MTUS2: variants seen among roughly 807,000 people sequenced by gnomAD.
The protein encoded by MTUS2 is microtubule associated scaffold protein 2.
MTUS2 carries 40 observed loss-of-function variants against 114.1 expected under a neutral mutation model. The observed-to-expected ratio is 0.35, with a 90% CI of 0.27 to 0.46. MTUS2 has a LOEUF of 0.46. Among genes scored for constraint, MTUS2 ranks in the 20% least tolerant of loss-of-function variants. The probability of loss-of-function intolerance (pLI) is 1.00; values close to 1 mark genes in which losing one functional copy is unlikely to be tolerated. For missense variants in MTUS2, 1,679 were observed against 1,705.4 expected (o/e 0.98, Z 0.27); for synonymous variants, 688 against 672.0 (o/e 1.02, Z -0.37).
At chr13:29,375,604 T>TA (rs1566163652) in intron 8 of MTUS2, among the ~76,000 whole-genome samples, 10 of 4,940 alleles carry the variant, frequency 2.0e-3, no homozygotes, top group Non-Finnish European at 4.4e-3. Flanking sequence ...TATATATATA[T>TA]ATACGTATAT....
Position 29,305,358 on chromosome 13 carries a change from G to T in MTUS2, c.2807-19255G>T, listed in dbSNP as rs1347128191. 8.1e-5 allele frequency among the ~76,000 whole-genome samples: 4 copies of T among 49,252 alleles called. No homozygotes were observed. The East Asian group carries it at 1.3e-3, about 16-fold the overall frequency. 32.3% of individuals were successfully genotyped at this position (49,252 alleles called of 152,430 possible). ...ATCAACAAATCCAGAAGCTAGTTTTGTGAAAAAAAAAGTAATAAAGAGACA... is the reference window on the plus strand; with the variant it reads ...ATCAACAAATCCAGAAGCTAGTTTTTTGAAAAAAAAAGTAATAAAGAGACA... On this transcript the variant is annotated intron_variant, in intron 6 of 15. Coordinates refer to ENST00000612955, the MANE Select transcript of MTUS2 (RefSeq NM_001033602.4).
At chr13:29,304,003 A>G (rs1899323834) in intron 6 of MTUS2, among the ~76,000 whole-genome samples, 1 of 152,218 alleles carries the variant, frequency 6.6e-6, no homozygotes, top group African/African-American at 2.4e-5. Flanking sequence ...AAAGAAAAGA[A>G]TGTCCAACCC....
chr13:29,494,409 A>T (rs1357286394), intron 12 of MTUS2, among the ~76,000 whole-genome samples: 2 of 151,988 alleles, frequency 1.3e-5, no homozygotes, highest in Non-Finnish European at 2.9e-5. Context: ...GTGATGGTGA[A>T]TAAGGCAGAA....
chr13:29,345,442 A>G (rs1868567821), intron 7 of MTUS2, among the ~76,000 whole-genome samples: 1 of 151,272 alleles, frequency 6.6e-6, no homozygotes, highest in Non-Finnish European at 1.5e-5. Flanking sequence ...TGCTTGTTTG[A>G]TTCTATTGGT....
intron 7 of MTUS2, among the ~76,000 whole-genome samples, chr13:29,341,540 T>A (rs1179095884): frequency 6.6e-6 from 1 of 152,206 alleles, no homozygotes; most frequent in Non-Finnish European, 1.5e-5. Context: ...TTCTGGATGT[T>A]AGTCCTTTGT....
intron 8 of MTUS2, among the ~76,000 whole-genome samples, chr13:29,392,127 C>CAAA (rs67050496): frequency 0.021 from 2,476 of 118,316 alleles, 92 homozygotes; most frequent in Admixed American, 0.083. Flanking sequence ...GACTCTGTCT[C>CAAA]AAAAAAAAAA....
intron 8 of MTUS2, among the ~76,000 whole-genome samples, chr13:29,425,405 CAACA>C (rs57417008): frequency 6.6e-5 from 10 of 150,864 alleles, no homozygotes; most frequent in South Asian, 4.2e-4. Context: ...GACTCTGTCT[CAACA>C]AACAAACAAA....
At chr13:29,413,551 C>G (rs911475186) in intron 8 of MTUS2, among the ~76,000 whole-genome samples, 11 of 101,170 alleles carry the variant, frequency 1.1e-4, no homozygotes, top group African/African-American at 3.9e-4. Context: ...TCGCAACCTA[C>G]TCATCTGACA....
chr13:29,218,665 G>A (rs1184033459), intron 5 of MTUS2, among the ~76,000 whole-genome samples: 1 of 152,176 alleles, frequency 6.6e-6, no homozygotes, highest in Admixed American at 6.5e-5. Flanking sequence ...ATGAAAATAA[G>A]TGTCCTTTTT....
At chr13:28,988,541 A>G (rs1465545477) in intron 2 of MTUS2, among the ~76,000 whole-genome samples, 2 of 152,196 alleles carry the variant, frequency 1.3e-5, no homozygotes, top group Admixed American at 6.5e-5. Flanking sequence ...AAAATTAGAG[A>G]AATGGATTTG....
chr13:29,035,551 C>T (rs1266768623), intron 4 of MTUS2, among the ~76,000 whole-genome samples: 1 of 152,218 alleles, frequency 6.6e-6, no homozygotes, highest in Non-Finnish European at 1.5e-5. Flanking sequence ...CTGGTGCCTC[C>T]ATCTTCAACT....
intron 2 of MTUS2, among the ~76,000 whole-genome samples, chr13:28,898,097 A>C (rs565602866): frequency 6.6e-6 from 1 of 152,252 alleles, no homozygotes; most frequent in South Asian, 2.1e-4. Flanking sequence ...GGGAGTGGGC[A>C]GTATAAGATG....
intron 5 of MTUS2, among the ~76,000 whole-genome samples, chr13:29,221,021 G>A (rs1005952292): frequency 6.6e-6 from 1 of 152,208 alleles, no homozygotes; most frequent in African/African-American, 2.4e-5. Flanking sequence ...CAATAGAGGT[G>A]TGAATATCCC....
intron 2 of MTUS2, among the ~76,000 whole-genome samples, chr13:28,891,980 T>G (rs1357509575): frequency 6.6e-6 from 1 of 151,812 alleles, no homozygotes; most frequent in Non-Finnish European, 1.5e-5. Context: ...GCTCAGCTGC[T>G]ATTTTCCCCG....
chr13:29,500,665 G>T (rs1456584009), intron 14 of MTUS2, among the ~76,000 whole-genome samples: 1 of 152,192 alleles, frequency 6.6e-6, no homozygotes, highest in Admixed American at 6.5e-5. Context: ...GCTGCAGTGT[G>T]GTTGACCCTT....
chr13:29,349,064 C>T (rs534223089), intron 7 of MTUS2, among the ~76,000 whole-genome samples: 1 of 151,978 alleles, frequency 6.6e-6, no homozygotes, highest in Non-Finnish European at 1.5e-5. Context: ...ACCATCTTGC[C>T]GTATTTTCTA....
chr13:29,022,143 A>G (rs1427361456), intron 2 of MTUS2, among the ~76,000 whole-genome samples: 1 of 152,206 alleles, frequency 6.6e-6, no homozygotes, highest in Non-Finnish European at 1.5e-5. Flanking sequence ...GTCTTGGGGT[A>G]TGGGCTAGAA....
intron 2 of MTUS2, among the ~76,000 whole-genome samples, chr13:28,922,340 A>G (rs186562705): frequency 9.8e-4 from 149 of 152,288 alleles, no homozygotes; most frequent in African/African-American, 3.4e-3. Context: ...AGACTAATAC[A>G]TTGTGTGGCC....
At chr13:29,412,239 G>A (rs1181295538) in intron 8 of MTUS2, among the ~76,000 whole-genome samples, 1 of 152,164 alleles carries the variant, frequency 6.6e-6, no homozygotes, top group Non-Finnish European at 1.5e-5. Context: ...AGGTTAAGGT[G>A]TTTTATCAAG....
Sources: gnomAD v4.1 joint callset for allele counts (sites outside exome capture counted in the v4.1 genomes callset) on GRCh38, gnomAD v4.1.1 for gene constraint, MANE v1.5 for transcripts, NCBI Gene and HGNC (gene_info 2026-07-23, HGNC 2026-07-21) for gene names.